The following TTC34 variants were observed in gnomAD, a reference collection of about 807,000 sequenced individuals.
TTC34 encodes tetratricopeptide repeat protein 34.
In TTC34, 44 loss-of-function variants were observed where a neutral mutation model predicts 40.7. The observed-to-expected ratio is 1.08, with a 90% confidence interval of 0.85 to 1.39. The LOEUF (loss-of-function observed/expected upper bound fraction) is 1.39. Among genes scored for constraint, TTC34 ranks in the 40% most tolerant of loss-of-function variants. The pLI is 0.00. For missense variants in TTC34, 884 were observed against 838.0 expected, an observed-to-expected ratio of 1.05 and a Z score of -0.68; for synonymous variants, 422 against 398.6, an observed-to-expected ratio of 1.06 and a Z score of -0.70.
At chr1:2,660,813 C>T (rs1245222615) in intron 6 of TTC34, among the ~76,000 whole-genome samples, 5 of 94,534 alleles carry the variant, frequency 5.3e-5, no homozygotes, top group East Asian at 3.6e-4. Context: ...CATCTGACAG[C>T]CTGGAACAGC....
At chr1:2,653,751 T>C (rs75622355) in intron 6 of TTC34, among the ~76,000 whole-genome samples, 2 of 42,324 alleles carry the variant, frequency 4.7e-5, no homozygotes, top group African/African-American at 2.0e-4. Flanking sequence ...CATCGGAGAG[T>C]CTGGAGCAGC....
At chr1:2,768,293 T>A (rs566258102) in intron 6 of TTC34, among the ~76,000 whole-genome samples, 2,548 of 152,032 alleles carry the variant, frequency 0.017, 4 homozygotes, top group Middle Eastern at 0.034. Context: ...CCATTGTAGG[T>A]TTTTGGATGT....
intron 5 of TTC34, among the ~76,000 whole-genome samples, chr1:2,784,719 AAAGT>A (rs1353465491): frequency 6.6e-6 from 1 of 152,232 alleles, no homozygotes; most frequent in Non-Finnish European, 1.5e-5. Context: ...AATGCAACAA[AAAGT>A]AATATTAAAA....
intron 6 of TTC34, among the ~76,000 whole-genome samples, chr1:2,747,584 C>T (rs1377581592): frequency 7.5e-6 from 1 of 133,932 alleles, no homozygotes; most frequent in Admixed American, 7.3e-5. Flanking sequence ...CAGACTGGAA[C>T]AGCACCCACA....
intron 3 of TTC34, 119 bp downstream of exon 3, chr1:2,789,383 GA>G (rs891836929): frequency 2.3e-5 from 24 of 1,022,048 alleles, no homozygotes; most frequent in Middle Eastern, 4.2e-4. Flanking sequence ...GGTGCTTTGG[GA>G]AGTCACCAGC....
At chr1:2,794,145 A>G (rs1043950389) in intron 2 of TTC34, among the ~76,000 whole-genome samples, 1 of 151,970 alleles carries the variant, frequency 6.6e-6, no homozygotes, top group African/African-American at 2.4e-5. Flanking sequence ...ACAGGTATGC[A>G]CCACGTGCCT....
intron 6 of TTC34, among the ~76,000 whole-genome samples, chr1:2,777,689 G>GGT (rs1553168917): frequency 5.5e-5 from 2 of 36,522 alleles, no homozygotes; most frequent in Non-Finnish European, 1.0e-4. Flanking sequence ...CAGAGGGCAT[G>GGT]GGGGGGGGGG....
intron 3 of TTC34, 145 bp downstream of exon 3, chr1:2,789,358 G>A (rs1643633244): frequency 1.3e-6 from 1 of 750,160 alleles, no homozygotes; most frequent in Non-Finnish European, 2.0e-6. Flanking sequence ...AAGCAGCGGA[G>A]CTAGACCTGC....
intron 6 of TTC34, among the ~76,000 whole-genome samples, chr1:2,692,370 AGC>A: frequency 1.4e-5 from 1 of 73,492 alleles, no homozygotes; most frequent in East Asian, 3.4e-4. Flanking sequence ...GACAGCCTGG[AGC>A]AGCGTCCACA....
intron 6 of TTC34, among the ~76,000 whole-genome samples, chr1:2,754,824 G>C (rs1378575570): frequency 1.8e-5 from 2 of 111,244 alleles, no homozygotes; most frequent in South Asian, 3.0e-4. Context: ...CACACCCCCA[G>C]GTGAGCATCT....
At chr1:2,798,248 C>G (rs1223752031) in intron 2 of TTC34, among the ~76,000 whole-genome samples, 1 of 98,448 alleles carries the variant, frequency 1.0e-5, no homozygotes. Context: ...CCTCTCAGCC[C>G]CTCAGCTCCC....
chr1:2,676,945 A>C lies in TTC34; in HGVS notation c.2227-31382T>G, dbSNP rs1266453955. Among the ~76,000 whole-genome samples the C allele has an allele frequency of 6.0e-5, 9 of 149,024 alleles. No individual in the cohort carries two copies. The East Asian group carries it at 1.8e-3, about 29-fold the overall frequency. On this transcript the variant is annotated intron_variant, in intron 6 of 8. Coordinates refer to ENST00000401095, the Ensembl canonical transcript of TTC34. ...ACCCACACCCCCAGGTGAGCATCTG[A>C]CAGCATGGAACAGCACCCTGCACCC...
chr1:2,798,041 TCAGCCTCC>T (rs1393975761), intron 2 of TTC34, among the ~76,000 whole-genome samples: 2 of 149,920 alleles, frequency 1.3e-5, no homozygotes, highest in African/African-American at 2.5e-5. Context: ...TCCCAGTCTC[TCAGCCTCC>T]CAGCCTCCCA....
At chr1:2,688,623 A>G (rs575858848) in intron 6 of TTC34, among the ~76,000 whole-genome samples, 7 of 122,584 alleles carry the variant, frequency 5.7e-5, no homozygotes, top group African/African-American at 2.5e-4. Flanking sequence ...CCAGGTGCGC[A>G]TCTGATGGTC....
rs1164607235 is a variant in TTC34, at chr1:2,749,523, T to A, written c.2226+34086A>T. Among the ~76,000 whole-genome samples, 62 of 14,852 alleles carry A rather than the reference T, an allele frequency of 4.2e-3. 1 individual carries two copies. Among genetic ancestry groups the A allele is most frequent in the South Asian group, 0.016 (4 of 252 alleles). 9.7% of individuals were successfully genotyped at this position (14,852 alleles called of 152,430 possible). A position where few individuals can be genotyped will look rare whatever the true frequency, so the allele number is the denominator to read the frequency against. ...TGGACAGCCTGGAGCAGCACCCAGATTCCCAGGCAAGCATCTGAACGCAAA... is the reference window on the plus strand; with the variant it reads ...TGGACAGCCTGGAGCAGCACCCAGAATCCCAGGCAAGCATCTGAACGCAAA... On this transcript the variant is annotated intron_variant, in intron 6 of 8. Coordinates refer to ENST00000401095, the Ensembl canonical transcript of TTC34.
chr1:2,795,944 T>G (rs943680062), intron 2 of TTC34, among the ~76,000 whole-genome samples: 30 of 152,242 alleles, frequency 2.0e-4, no homozygotes, highest in African/African-American at 6.8e-4. Flanking sequence ...CCTCCAAAAC[T>G]CATGCTGAAA....
At chr1:2,647,089 C>CTT (rs1200029487) in intron 6 of TTC34, among the ~76,000 whole-genome samples, 1 of 151,216 alleles carries the variant, frequency 6.6e-6, no homozygotes, top group African/African-American at 2.4e-5. Flanking sequence ...TTCTCTTTAT[C>CTT]TTTTTTTTTC....
intron 6 of TTC34, chr1:2,775,529 G>A (rs1643060959): frequency 6.8e-6 from 1 of 147,528 alleles, no homozygotes; most frequent in African/African-American, 2.7e-5. Context: ...ATGAGCATCT[G>A]ACAACCAGAA....
At chr1:2,655,536 C>A (rs57962497) in intron 6 of TTC34, among the ~76,000 whole-genome samples, 388 of 147,614 alleles carry the variant, frequency 2.6e-3, no homozygotes, top group African/African-American at 9.6e-3. Flanking sequence ...ACGCACACCC[C>A]CAGTGAGCAT....
Sources: allele counts gnomAD v4.1 joint callset (sites outside exome capture counted in the v4.1 genomes callset), GRCh38; gene constraint gnomAD v4.1.1; transcripts MANE v1.5; gene names NCBI Gene and HGNC (gene_info 2026-07-23, HGNC 2026-07-21).